Variants in CORO2B observed in about 807,000 individuals in gnomAD.
CORO2B encodes the protein coronin 2B.
CORO2B carries 26 observed loss-of-function variants against 58.8 expected under a neutral mutation model. That is an observed-to-expected ratio of 0.44 (90% confidence interval 0.32 to 0.61). The LOEUF (loss-of-function observed/expected upper bound fraction) is 0.61. Among genes scored for constraint, CORO2B ranks in the 20% least tolerant of loss-of-function variants. CORO2B has a pLI of 0.04. For synonymous variants in CORO2B, 242 were observed against 253.8 expected, an observed-to-expected ratio of 0.95 and a Z score of 0.44; for missense variants, 460 against 645.1, an observed-to-expected ratio of 0.71 and a Z score of 3.11.
chr15:68,570,830 A>C, the CORO2B span, among the ~76,000 whole-genome samples: 2 of 116,294 alleles, frequency 1.7e-5, no homozygotes, highest in African/African-American at 3.3e-5. Flanking sequence ...TTTTTTAGAG[A>C]CTGGGTCTCA....
At chr15:68,587,619 G>GACAATA (rs1328631524) in intron 1 of CORO2B, among the ~76,000 whole-genome samples, 1 of 152,154 alleles carries the variant, frequency 6.6e-6, no homozygotes, top group Non-Finnish European at 1.5e-5. Context: ...GGGACCAACA[G>GACAATA]ACAATAACAA....
intron 2 of CORO2B, among the ~76,000 whole-genome samples, chr15:68,689,315 A>C: frequency 6.6e-6 from 1 of 151,974 alleles, no homozygotes; most frequent in Non-Finnish European, 1.5e-5. Context: ...GGCAGGTTAG[A>C]GCCCTGGACC....
At chr15:68,721,368 G>A (rs4598850) in intron 11 of CORO2B, among the ~76,000 whole-genome samples, 105,790 of 151,984 alleles carry the variant, frequency 0.7, 37,251 homozygotes, top group East Asian at 0.87. Context: ...AACCCCTGAG[G>A]AAAGTGGTGC....
intron 2 of CORO2B, among the ~76,000 whole-genome samples, chr15:68,680,693 G>T (rs1330735562): frequency 6.6e-6 from 1 of 152,212 alleles, no homozygotes; most frequent in African/African-American, 2.4e-5. Flanking sequence ...CTAATTTGAA[G>T]GTCAGAAAGA....
intron 1 of CORO2B, among the ~76,000 whole-genome samples, chr15:68,639,477 C>T (rs912918486): frequency 2.0e-5 from 3 of 152,196 alleles, no homozygotes; most frequent in Admixed American, 6.5e-5. Context: ...TCACAGCAAC[C>T]CAACTGGGGT....
chr15:68,634,471 G>GA (rs1202436018), intron 1 of CORO2B, among the ~76,000 whole-genome samples: 1 of 152,144 alleles, frequency 6.6e-6, no homozygotes, highest in Non-Finnish European at 1.5e-5. Flanking sequence ...ACTATCCTAG[G>GA]AAAAATATGA....
chr15:68,668,021 C>T (rs752956479), intron 2 of CORO2B, among the ~76,000 whole-genome samples: 17 of 152,220 alleles, frequency 1.1e-4, no homozygotes, highest in Admixed American at 6.5e-4. Context: ...ACACGTACAA[C>T]GGGCCAGGGA....
chr15:68,698,540 A>AAG (rs1892567568), intron 3 of CORO2B, among the ~76,000 whole-genome samples: 2 of 152,212 alleles, frequency 1.3e-5, no homozygotes, highest in Admixed American at 6.5e-5. Flanking sequence ...CACATGAGCC[A>AAG]AGAGACTCTG....
the CORO2B span, among the ~76,000 whole-genome samples, chr15:68,566,411 C>T: frequency 6.6e-6 from 1 of 152,188 alleles, no homozygotes; most frequent in East Asian, 1.9e-4. Flanking sequence ...TCCCGATCAC[C>T]ACCCAAAATA....
chr15:68,646,382 G>C (rs975594586), intron 2 of CORO2B, among the ~76,000 whole-genome samples: 20 of 152,186 alleles, frequency 1.3e-4, no homozygotes, highest in Admixed American at 9.2e-4. Flanking sequence ...AATCGCTCAG[G>C]GGGAGGAAGA....
chr15:68,712,098 C>G (rs1892933801), intron 5 of CORO2B, among the ~76,000 whole-genome samples: 1 of 152,164 alleles, frequency 6.6e-6, no homozygotes, highest in South Asian at 2.1e-4. Flanking sequence ...AGGGAAATGG[C>G]TAGGGTGCCA....
At chr15:68,590,917 C>T (rs956662169) in intron 1 of CORO2B, among the ~76,000 whole-genome samples, 5 of 152,070 alleles carry the variant, frequency 3.3e-5, no homozygotes, top group African/African-American at 7.3e-5. Flanking sequence ...TATGCAGGGC[C>T]GGCCGCCTTC....
the CORO2B span, among the ~76,000 whole-genome samples, chr15:68,554,639 A>G: frequency 1.3e-5 from 2 of 152,310 alleles, no homozygotes; most frequent in Admixed American, 6.5e-5. Flanking sequence ...GGCTGGCACC[A>G]GGCACTTCAC....
intron 5 of CORO2B, among the ~76,000 whole-genome samples, chr15:68,712,561 A>C (rs1892944852): frequency 6.6e-6 from 1 of 152,156 alleles, no homozygotes; most frequent in African/African-American, 2.4e-5. Context: ...CCAAAATCTG[A>C]AACACTTCTG....
At chr15:68,527,960 CT>C in the CORO2B span, among the ~76,000 whole-genome samples, 106 of 152,218 alleles carry the variant, frequency 7.0e-4, no homozygotes, top group African/African-American at 2.5e-3. Flanking sequence ...AACAGCTGAT[CT>C]TTACTTATTA....
At chr15:68,599,958 C>A (rs1899940788) in intron 1 of CORO2B, among the ~76,000 whole-genome samples, 1 of 152,184 alleles carries the variant, frequency 6.6e-6, no homozygotes, top group Non-Finnish European at 1.5e-5. Flanking sequence ...ATGCCCCTCC[C>A]ACCCCTTGGT....
At chr15:68,522,286 ACTT>A in the CORO2B span, among the ~76,000 whole-genome samples, 14 of 151,844 alleles carry the variant, frequency 9.2e-5, no homozygotes, top group Admixed American at 6.6e-5. Context: ...TTTAAATACC[ACTT>A]CTTCTCCATT....
the CORO2B span, among the ~76,000 whole-genome samples, chr15:68,538,593 A>G: frequency 6.6e-6 from 1 of 152,218 alleles, no homozygotes; most frequent in Non-Finnish European, 1.5e-5. Flanking sequence ...ACATTGTCCC[A>G]GCTGATTTGG....
At chr15:68,642,545 G>C (rs1901286177) in intron 1 of CORO2B, among the ~76,000 whole-genome samples, 1 of 152,144 alleles carries the variant, frequency 6.6e-6, no homozygotes, top group Admixed American at 6.5e-5. Flanking sequence ...TTCATGGATA[G>C]GCTGGGCCTG....
Sources: gnomAD v4.1 joint callset for allele counts (sites outside exome capture counted in the v4.1 genomes callset) on GRCh38, gnomAD v4.1.1 for gene constraint, MANE v1.5 for transcripts, NCBI Gene and HGNC (gene_info 2026-07-23, HGNC 2026-07-21) for gene names.